The following TRPM3 variants were observed in gnomAD, a reference collection of about 807,000 sequenced individuals.
TRPM3 encodes the protein transient receptor potential cation channel subfamily M member 3.
TRPM3 carries 77 observed loss-of-function variants against 181.2 expected under a neutral mutation model. That is an observed-to-expected ratio of 0.42 (90% CI 0.35 to 0.51). The LOEUF (loss-of-function observed/expected upper bound fraction) is 0.51, where lower values mean the gene tolerates loss of function less well. Ranked by LOEUF, TRPM3 falls within the 20% of genes least tolerant of loss-of-function variation. The pLI is 0.01. For synonymous variants in TRPM3, 745 were observed against 796.4 expected, an observed-to-expected ratio of 0.94 and a Z score of 1.09; for missense variants, 1,759 against 2,196.7, an observed-to-expected ratio of 0.80 and a Z score of 3.98.
chr9:71,049,859 G>C (rs1285677094), intron 1 of TRPM3, among the ~76,000 whole-genome samples: 1 of 152,096 alleles, frequency 6.6e-6, no homozygotes, highest in East Asian at 1.9e-4. Context: ...ACTTTCGGAG[G>C]CTCAGTTCCC....
At chr9:71,385,612 C>A (rs548011209) in intron 1 of TRPM3, among the ~76,000 whole-genome samples, 1 of 152,246 alleles carries the variant, frequency 6.6e-6, no homozygotes, top group South Asian at 2.1e-4. Context: ...AATGACTAGT[C>A]CTTATCTACA....
At chr9:70,761,773 C>T (rs1564170246) in intron 7 of TRPM3, 49 bp from the exon 8 acceptor site, 1 of 1,567,096 alleles carries the variant, frequency 6.4e-7, no homozygotes, top group African/African-American at 1.4e-5. Context: ...TCCTATTCAG[C>T]AAGTATTTCT....
At position 71,151,004 on chromosome 9, in the gene TRPM3, T is replaced by C. The variant is rs187059213; in HGVS notation, c.184-286493A>G. On this transcript the variant is annotated intron_variant, in intron 1 of 24. Coordinates refer to the TRPM3 transcript ENST00000357533. ...AGAGATTAAATGGTGTTGAGATGAC[T>C]GGGAAACTGTCTGGCAAAAATTCAG... 3.8e-3 allele frequency among the ~76,000 whole-genome samples: 586 copies of C among 152,264 alleles called. 4 individuals are homozygous for C. Among genetic ancestry groups the C allele is most frequent in the Middle Eastern group, 6.8e-3 (2 of 294 alleles).
intron 1 of TRPM3, among the ~76,000 whole-genome samples, chr9:71,219,012 T>C (rs376716692): frequency 7.0e-4 from 107 of 152,192 alleles, no homozygotes; most frequent in African/African-American, 2.4e-3. Flanking sequence ...GCAAGGAAAC[T>C]TACACAATGA....
chr9:70,792,511 G>T (rs1455564793), intron 6 of TRPM3, among the ~76,000 whole-genome samples: 4 of 151,408 alleles, frequency 2.6e-5, no homozygotes, highest in Admixed American at 1.3e-4. Flanking sequence ...AAAAGAGGGA[G>T]AGAGAGAGAA....
intron 1 of TRPM3, among the ~76,000 whole-genome samples, chr9:70,888,004 C>G (rs1235908171): frequency 3.3e-5 from 5 of 152,196 alleles, no homozygotes; most frequent in African/African-American, 9.7e-5. Flanking sequence ...AATGTCACTT[C>G]TAATCTATTA....
At chr9:70,688,415 T>G (rs1011015045) in intron 8 of TRPM3, among the ~76,000 whole-genome samples, 1 of 152,222 alleles carries the variant, frequency 6.6e-6, no homozygotes, top group Non-Finnish European at 1.5e-5. Flanking sequence ...CAGTGTACAT[T>G]GTACCCAATA....
chr9:71,245,794 T>G (rs1352469175), intron 1 of TRPM3, among the ~76,000 whole-genome samples: 2 of 152,102 alleles, frequency 1.3e-5, no homozygotes, highest in Non-Finnish European at 2.9e-5. Context: ...AACTAAAGGA[T>G]TGTGGCTTAA....
chr9:70,681,354 C>T (rs2065385663), intron 9 of TRPM3, 152 bp downstream of exon 9: 2 of 610,916 alleles, frequency 3.3e-6, no homozygotes, highest in Non-Finnish European at 2.8e-6. Flanking sequence ...AATTTAATAG[C>T]AGTAACTGTC....
At chr9:71,237,719 T>C (rs2081440437) in intron 1 of TRPM3, among the ~76,000 whole-genome samples, 1 of 152,218 alleles carries the variant, frequency 6.6e-6, no homozygotes. Flanking sequence ...TGTAACAGAA[T>C]ATCTGAACTG....
chr9:70,578,651 G>T (rs375532552), intron 22 of TRPM3, among the ~76,000 whole-genome samples: 2 of 152,220 alleles, frequency 1.3e-5, no homozygotes, highest in African/African-American at 4.8e-5. Context: ...GATCAATGGG[G>T]ACCTGCAGCA....
At chr9:70,586,618 T>C (rs1428345076) in intron 22 of TRPM3, among the ~76,000 whole-genome samples, 4 of 152,216 alleles carry the variant, frequency 2.6e-5, no homozygotes, top group African/African-American at 9.6e-5. Context: ...GTTTTCCTTT[T>C]CCAAAATACT....
intron 1 of TRPM3, among the ~76,000 whole-genome samples, chr9:70,925,995 AAC>A (rs1283429960): frequency 3.7e-4 from 5 of 13,536 alleles, no homozygotes; most frequent in African/African-American, 1.6e-3. Context: ...GGCTTGGGAA[AAC>A]AAAAAAAAAA....
At chr9:70,821,796 T>C (rs1309223793) in intron 6 of TRPM3, among the ~76,000 whole-genome samples, 2 of 152,182 alleles carry the variant, frequency 1.3e-5, no homozygotes, top group Non-Finnish European at 2.9e-5. Flanking sequence ...TCAGTTTCTT[T>C]CTCTTGCTTC....
At chr9:71,262,435 A>T (rs969225199) in intron 1 of TRPM3, among the ~76,000 whole-genome samples, 6 of 152,252 alleles carry the variant, frequency 3.9e-5, no homozygotes, top group Non-Finnish European at 5.9e-5. Flanking sequence ...AAGCCAATGG[A>T]TCTTAGCTTG....
chr9:70,692,033 CA>C (rs973677795), intron 8 of TRPM3, among the ~76,000 whole-genome samples: 4 of 152,118 alleles, frequency 2.6e-5, no homozygotes, highest in Non-Finnish European at 4.4e-5. Context: ...ACAACAAAAA[CA>C]AAATAAGGTG....
intron 12 of TRPM3, among the ~76,000 whole-genome samples, chr9:70,626,010 C>T (rs1250013543): frequency 1.3e-5 from 2 of 152,078 alleles, no homozygotes; most frequent in African/African-American, 2.4e-5. Flanking sequence ...TTGGAGGAGA[C>T]ATTTTTATCA....
At chr9:71,390,973 G>A (rs2093048229) in intron 1 of TRPM3, among the ~76,000 whole-genome samples, 1 of 151,864 alleles carries the variant, frequency 6.6e-6, no homozygotes, top group African/African-American at 2.4e-5. Context: ...AGCAACAATA[G>A]ATGAATAGGT....
At chr9:71,328,835 C>T (rs538398490) in intron 1 of TRPM3, among the ~76,000 whole-genome samples, 3 of 152,326 alleles carry the variant, frequency 2.0e-5, no homozygotes, top group Admixed American at 1.3e-4. Flanking sequence ...AAGTCCCATT[C>T]GTATTATAAC....
Sources: allele counts gnomAD v4.1 joint callset (sites outside exome capture counted in the v4.1 genomes callset), GRCh38; gene constraint gnomAD v4.1.1; transcripts MANE v1.5; gene names NCBI Gene and HGNC (gene_info 2026-07-23, HGNC 2026-07-21).